The following TMEM156 variants were observed in gnomAD, a reference collection of about 807,000 sequenced individuals.
TMEM156 encodes the protein transmembrane protein 156.
A neutral mutation model predicts 30.5 loss-of-function variants in TMEM156; 28 were observed. That is an observed-to-expected ratio of 0.92 (90% CI 0.68 to 1.26). The LOEUF is 1.26. TMEM156 is among the 50% of genes most tolerant of loss of function. The pLI is 0.00. For synonymous variants in TMEM156, 137 were observed against 119.9 expected (o/e 1.14, Z -0.93); for missense variants, 351 against 340.6 (o/e 1.03, Z -0.24).
At chr4:38,997,548 T>C (rs1050283066) in intron 2 of TMEM156, among the ~76,000 whole-genome samples, 42 of 152,110 alleles carry the variant, frequency 2.8e-4, no homozygotes, top group Admixed American at 2.3e-3. Flanking sequence ...AAAAATAAAT[T>C]TCAGTATCTA....
rs1009336161 is a variant in TMEM156, at chr4:38,967,177, A to C, written c.*503T>G. ...AATGCAAACAAACATATAAATAAAC[A>C]ACCAGGCCCTCTTCCCTTTTAAATA... On this transcript the variant is annotated 3_prime_UTR_variant, in exon 7 of 7. Transcript: ENST00000381938. 1 of 152,212 alleles carries C rather than the reference A, an allele frequency of 6.6e-6. No homozygotes were observed. The highest frequency in any genetic ancestry group is 1.5e-5 in the Non-Finnish European group (1 of 68,038). 9.4% of individuals were successfully genotyped at this position (152,212 alleles called of 1,614,324 possible).
chr4:38,975,727 C>A (rs1197455874), intron 5 of TMEM156, among the ~76,000 whole-genome samples: 1 of 152,038 alleles, frequency 6.6e-6, no homozygotes, highest in Non-Finnish European at 1.5e-5. Flanking sequence ...CTAAGATAGT[C>A]CCCAGGAGTC....
chr4:38,970,050 T>C (rs1722522314), intron 6 of TMEM156, among the ~76,000 whole-genome samples: 1 of 152,178 alleles, frequency 6.6e-6, no homozygotes, highest in Non-Finnish European at 1.5e-5. Context: ...AGGATAGTTA[T>C]TCTCTCTTTT....
chr4:39,007,969 A>T (rs1713856459), intron 1 of TMEM156, among the ~76,000 whole-genome samples: 1 of 152,164 alleles, frequency 6.6e-6, no homozygotes, highest in South Asian at 2.1e-4. Flanking sequence ...ATTGACCTTT[A>T]AATATCAATC....
At chr4:39,011,462 G>A (rs992563339) in intron 1 of TMEM156, among the ~76,000 whole-genome samples, 3 of 152,180 alleles carry the variant, frequency 2.0e-5, no homozygotes, top group African/African-American at 7.2e-5. Flanking sequence ...GTTTATCACA[G>A]CACTATTCAC....
At chr4:38,992,591 T>C (rs2109948656) in intron 3 of TMEM156, among the ~76,000 whole-genome samples, 1 of 148,838 alleles carries the variant, frequency 6.7e-6, no homozygotes, top group Non-Finnish European at 1.5e-5. Context: ...CATCCAGGCC[T>C]GGTTCTCAGC....
chr4:38,992,629 C>G (rs1712545576), intron 3 of TMEM156, among the ~76,000 whole-genome samples: 1 of 142,686 alleles, frequency 7.0e-6, no homozygotes, highest in Non-Finnish European at 1.5e-5. Flanking sequence ...TAAATCAACT[C>G]AAAACAAAAA....
chr4:38,966,797 T>C lies in TMEM156; in HGVS notation c.*883A>G, dbSNP rs1722364315. The stretch of plus-strand genomic sequence containing the variant: ...ATTTAAATTCGTTTTATTGGTATCT[T>C]TGATTTTTTTTTTTTTTTTTTTTTG... On this transcript the variant is annotated 3_prime_UTR_variant, in exon 7 of 7. Coordinates refer to ENST00000381938, the MANE Select transcript of TMEM156 (RefSeq NM_024943.3). 6.7e-6 allele frequency: 1 copy of C among 148,332 alleles called. No individual in the cohort carries two copies. The highest frequency in any genetic ancestry group is 2.1e-4 in the South Asian group (1 of 4,710). The allele number at this position is 148,332 out of a possible 1,614,324, so 9.2% of individuals were successfully genotyped here.
At chr4:38,984,343 C>CTGTGTG (rs1332380845) in intron 5 of TMEM156, among the ~76,000 whole-genome samples, 2 of 107,110 alleles carry the variant, frequency 1.9e-5, no homozygotes, top group African/African-American at 5.0e-5. Context: ...GTCTCTCTCT[C>CTGTGTG]TCTCTCTGTG....
intron 1 of TMEM156, among the ~76,000 whole-genome samples, chr4:39,004,897 A>G (rs950287403): frequency 2.6e-5 from 4 of 152,226 alleles, no homozygotes; most frequent in Admixed American, 6.5e-5. Context: ...AAGAGAAATA[A>G]AAACATATGT....
intron 1 of TMEM156, among the ~76,000 whole-genome samples, chr4:39,019,961 C>G (rs146796370): frequency 1.1e-3 from 164 of 152,270 alleles, no homozygotes; most frequent in African/African-American, 3.4e-3. Context: ...CCCCTCACCC[C>G]ACCCTGTCGT....
In TMEM156 at chr4:38,977,856, C is replaced by A. The variant is rs568597484; in HGVS notation, c.824-6719G>T. 1.7e-3 allele frequency among the ~76,000 whole-genome samples: 256 copies of A among 152,206 alleles called. 1 individual carries two copies. The highest frequency in any genetic ancestry group is 2.9e-3 in the Non-Finnish European group (196 of 68,046). ...TAAAAATAAAATTCCATGCCTTATGCTCTCAAATAAAGCCCCTATCACACT... is the reference window on the plus strand; with the variant it reads ...TAAAAATAAAATTCCATGCCTTATGATCTCAAATAAAGCCCCTATCACACT... On this transcript the variant is annotated intron_variant, in intron 5 of 6. Transcript: ENST00000381938.
intron 2 of TMEM156, among the ~76,000 whole-genome samples, chr4:38,997,347 C>T (rs116554318): frequency 0.025 from 3,871 of 152,196 alleles, 175 homozygotes; most frequent in African/African-American, 0.089. Context: ...GGGTGATGGG[C>T]GCACTAGAAG....
At chr4:39,026,551 C>T (rs1017812728) in intron 1 of TMEM156, among the ~76,000 whole-genome samples, 1 of 152,016 alleles carries the variant, frequency 6.6e-6, no homozygotes, top group Non-Finnish European at 1.5e-5. Context: ...TTGCCAACAC[C>T]TAGTGCCTAA....
chr4:39,031,012 A>C (rs1715475512), intron 1 of TMEM156, among the ~76,000 whole-genome samples: 1 of 152,262 alleles, frequency 6.6e-6, no homozygotes, highest in Admixed American at 6.5e-5. Flanking sequence ...TGCAACATCA[A>C]ATAATCACTG....
At chr4:39,003,903 T>C (rs546323938) in intron 1 of TMEM156, among the ~76,000 whole-genome samples, 3 of 152,292 alleles carry the variant, frequency 2.0e-5, no homozygotes, top group Admixed American at 6.5e-5. Context: ...AGTCTTCTTA[T>C]TCAATAAGTG....
intron 5 of TMEM156, among the ~76,000 whole-genome samples, chr4:38,976,289 C>CAAA (rs34271253): frequency 5.4e-5 from 4 of 74,294 alleles, no homozygotes; most frequent in Admixed American, 1.6e-4. Context: ...GACTCCGTCT[C>CAAA]AAAAAAAAAA....
intron 1 of TMEM156, among the ~76,000 whole-genome samples, chr4:39,003,774 C>T (rs1713542193): frequency 6.6e-6 from 1 of 152,094 alleles, no homozygotes; most frequent in African/African-American, 2.4e-5. Flanking sequence ...TGATTTCTTG[C>T]CATCTTTCCA....
chr4:38,997,568 A>G (rs1008481634), intron 2 of TMEM156, among the ~76,000 whole-genome samples: 5 of 152,232 alleles, frequency 3.3e-5, no homozygotes, highest in Admixed American at 3.3e-4. Flanking sequence ...AGTGATAAGG[A>G]GGCAACCTCT....
Sources: allele counts gnomAD v4.1 joint callset (sites outside exome capture counted in the v4.1 genomes callset), GRCh38; gene constraint gnomAD v4.1.1; transcripts MANE v1.5; gene names NCBI Gene and HGNC (gene_info 2026-07-23, HGNC 2026-07-21).